Variants in LRRC4C observed in about 807,000 individuals in gnomAD.
LRRC4C encodes leucine-rich repeat-containing protein 4C.
A neutral mutation model predicts 33.6 loss-of-function variants in LRRC4C; 5 were observed. The ratio of observed to expected loss-of-function variants is 0.15; its 90% confidence interval spans 0.08 to 0.31. LRRC4C has a LOEUF of 0.31. LRRC4C is among the 10% of genes least tolerant of loss of function. The pLI, the probability that LRRC4C is intolerant of heterozygous loss-of-function variation, is 1.00. For synonymous variants in LRRC4C, 329 were observed against 302.0 expected, an observed-to-expected ratio of 1.09 and a Z score of -0.93; for missense variants, 560 against 796.7, an observed-to-expected ratio of 0.70 and a Z score of 3.58.
chr11:40,141,285 A>C (rs567098663), intron 5 of LRRC4C, among the ~76,000 whole-genome samples: 1 of 152,244 alleles, frequency 6.6e-6, no homozygotes, highest in Non-Finnish European at 1.5e-5. Flanking sequence ...ATCTGCTGCA[A>C]ATTCTATTTG....
intron 3 of LRRC4C, among the ~76,000 whole-genome samples, chr11:40,365,139 G>A (rs1948150558): frequency 6.6e-6 from 1 of 151,194 alleles, no homozygotes; most frequent in East Asian, 1.9e-4. Flanking sequence ...ATAGGGAATG[G>A]CAAAGATATG....
At chr11:40,633,987 G>A (rs1488983701) in intron 3 of LRRC4C, among the ~76,000 whole-genome samples, 1 of 152,088 alleles carries the variant, frequency 6.6e-6, no homozygotes, top group East Asian at 1.9e-4. Flanking sequence ...ACTTGTAAAT[G>A]TACATTCTTC....
chr11:41,116,144 T>A (rs1942111903), intron 1 of LRRC4C, among the ~76,000 whole-genome samples: 1 of 152,162 alleles, frequency 6.6e-6, no homozygotes, highest in South Asian at 2.1e-4. Context: ...TATGAATATG[T>A]ATCATCAAGA....
At chr11:40,832,057 A>G (rs1434161928) in intron 2 of LRRC4C, among the ~76,000 whole-genome samples, 1 of 152,148 alleles carries the variant, frequency 6.6e-6, no homozygotes, top group Non-Finnish European at 1.5e-5. Flanking sequence ...TGTGATTGTT[A>G]TTGCGTGTAC....
chr11:40,448,111 A>G (rs1160399853), intron 3 of LRRC4C, among the ~76,000 whole-genome samples: 3 of 152,114 alleles, frequency 2.0e-5, no homozygotes, highest in African/African-American at 7.2e-5. Flanking sequence ...CCAGCCAGCA[A>G]ATGCATTCTG....
At chr11:40,742,963 A>C (rs1182613260) in intron 2 of LRRC4C, among the ~76,000 whole-genome samples, 1 of 152,110 alleles carries the variant, frequency 6.6e-6, no homozygotes, top group Non-Finnish European at 1.5e-5. Flanking sequence ...AGGGAAATGC[A>C]AAACAGAATG....
chr11:40,319,821 T>C (rs767388275), intron 3 of LRRC4C, 100 bp from the exon 4 acceptor site: 4 of 152,170 alleles, frequency 2.6e-5, no homozygotes, highest in African/African-American at 9.7e-5. Context: ...TCCCTCAATA[T>C]AATTTAGTAA....
chr11:40,732,997 A>G (rs550716888), intron 2 of LRRC4C, among the ~76,000 whole-genome samples: 1 of 150,128 alleles, frequency 6.7e-6, no homozygotes, highest in South Asian at 2.1e-4. Flanking sequence ...ATCCACATCT[A>G]GTAACTACCA....
At chr11:41,448,147 C>CTTTTTTTTTTTT (rs1955895977) in intron 1 of LRRC4C, among the ~76,000 whole-genome samples, 1 of 23,608 alleles carries the variant, frequency 4.2e-5, no homozygotes, top group Non-Finnish European at 9.7e-5. Flanking sequence ...TTTTTTGGAG[C>CTTTTTTTTTTTT]TTTACTTCAT....
rs34328057 is a variant in LRRC4C at position 41,215,014 on chromosome 11, G to GTATATATATA, written c.-496+244407_-496+244416dup. Among the ~76,000 whole-genome samples, 748 of 131,030 alleles carry GTATATATATA rather than the reference G, an allele frequency of 5.7e-3. 5 individuals carry two copies. Among genetic ancestry groups the GTATATATATA allele is most frequent in the African/African-American group, 0.016 (567 of 34,542 alleles). 86.0% of individuals were successfully genotyped at this position (131,030 alleles called of 152,430 possible). On this transcript the variant is annotated intron_variant, in intron 1 of 6. Transcript: ENST00000528697. ...TTCTCAATTTCTATTTTTTATTCAT[G>GTATATATATA]TATATATATATATATATATATATAT...
At chr11:40,692,311 G>T (rs1486679483) in intron 2 of LRRC4C, among the ~76,000 whole-genome samples, 1 of 151,908 alleles carries the variant, frequency 6.6e-6, no homozygotes, top group African/African-American at 2.4e-5. Context: ...GGGGATGGGT[G>T]GAGAAACACA....
At chr11:41,327,774 T>C (rs1951167563) in intron 1 of LRRC4C, among the ~76,000 whole-genome samples, 1 of 152,170 alleles carries the variant, frequency 6.6e-6, no homozygotes, top group Non-Finnish European at 1.5e-5. Flanking sequence ...TCATGAGATC[T>C]GATGGTTTTA....
At chr11:41,403,053 A>G (rs1199107663) in intron 1 of LRRC4C, among the ~76,000 whole-genome samples, 5 of 152,064 alleles carry the variant, frequency 3.3e-5, no homozygotes, top group Non-Finnish European at 7.4e-5. Flanking sequence ...TCTTTGCTGA[A>G]GTATAGACAG....
chr11:41,395,930 G>T (rs568000459), intron 1 of LRRC4C, among the ~76,000 whole-genome samples: 1 of 152,052 alleles, frequency 6.6e-6, no homozygotes, highest in Non-Finnish European at 1.5e-5. Flanking sequence ...TTTGGAAATA[G>T]TGAAGATCAA....
chr11:41,244,026 G>A (rs76061353), intron 1 of LRRC4C, among the ~76,000 whole-genome samples: 7 of 152,142 alleles, frequency 4.6e-5, no homozygotes, highest in South Asian at 2.1e-4. Flanking sequence ...AAGTTAAAAC[G>A]GGAACTAATT....
At chr11:40,475,617 A>G (rs1953175226) in intron 3 of LRRC4C, among the ~76,000 whole-genome samples, 1 of 152,092 alleles carries the variant, frequency 6.6e-6, no homozygotes, top group South Asian at 2.1e-4. Context: ...ATAAAAATCC[A>G]AGTTAAGGAC....
At chr11:41,057,132 C>G (rs1019879795) in intron 1 of LRRC4C, among the ~76,000 whole-genome samples, 12 of 152,308 alleles carry the variant, frequency 7.9e-5, no homozygotes, top group Admixed American at 7.8e-4. Flanking sequence ...CGCCGCCCCC[C>G]ATTCCCCGAC....
In LRRC4C at chr11:40,116,048, T is replaced by C; in HGVS notation, c.245A>G (p.Asn82Ser). ...GATCTGGATTTGGTTCTCATGGAGG[T>C]TCAGCAGCCGTGTGTTGGTGGAGAT... ...DGISTNTRLL[N>S]LHENQIQIIK... is the part of the protein sequence containing the mutation. Residue 82 changes from asparagine (N) to serine (S), a missense_variant, in exon 7 of 7, where the codon AAC (asparagine) becomes AGC (serine). Coordinates refer to ENST00000528697, the MANE Select transcript of LRRC4C (RefSeq NM_001258419.2). The C allele has an allele frequency of 6.2e-7, 1 of 1,613,826 alleles. No individual in the cohort carries two copies. Among genetic ancestry groups the C allele is most frequent in the Non-Finnish European group, 8.5e-7 (1 of 1,179,984 alleles).
intron 4 of LRRC4C, among the ~76,000 whole-genome samples, chr11:40,250,534 G>A (rs908322970): frequency 3.3e-5 from 5 of 151,870 alleles, no homozygotes; most frequent in African/African-American, 1.2e-4. Flanking sequence ...GAAGTTAGGA[G>A]TTTGAGACCA....
Sources: allele counts gnomAD v4.1 joint callset (sites outside exome capture counted in the v4.1 genomes callset), GRCh38; gene constraint gnomAD v4.1.1; transcripts MANE v1.5; gene names NCBI Gene and HGNC (gene_info 2026-07-23, HGNC 2026-07-21).